Variants in DCAF8L2 observed in about 807,000 individuals in gnomAD.
The protein encoded by DCAF8L2 is DDB1- and CUL4-associated factor 8-like protein 2.
For missense variants in DCAF8L2, 430 were observed against 490.7 expected (o/e 0.88, Z 1.17); for synonymous variants, 200 against 190.9 (o/e 1.05, Z -0.39).
At chrX:27,469,078 G>A in the DCAF8L2 span, among the ~76,000 whole-genome samples, 373 of 111,752 alleles carry the variant, frequency 3.3e-3, 1 homozygote, top group African/African-American at 0.011. Flanking sequence ...CTAGCTGTGC[G>A]CATGGCTTCC....
At chrX:27,665,780 C>T (rs928948326) in intron 2 of DCAF8L2, among the ~76,000 whole-genome samples, 1 of 111,801 alleles carries the variant, frequency 8.9e-6, no homozygotes, top group East Asian at 2.8e-4. Flanking sequence ...GATCATGACT[C>T]GCTGAGGGCT....
chrX:27,737,951 A>G (rs1391584126), intron 4 of DCAF8L2, among the ~76,000 whole-genome samples: 1 of 111,869 alleles, frequency 8.9e-6, no homozygotes, highest in Admixed American at 9.5e-5. Context: ...CCGTGAGGGC[A>G]GAAAACACGA....
chrX:27,583,207 T>C, the DCAF8L2 span, among the ~76,000 whole-genome samples: 17 of 112,025 alleles, frequency 1.5e-4, no homozygotes, highest in East Asian at 4.2e-3. Flanking sequence ...TTTGTGTGTG[T>C]GCACAAATGG....
chrX:27,538,396 T>A, the DCAF8L2 span, among the ~76,000 whole-genome samples: 2 of 110,227 alleles, frequency 1.8e-5, no homozygotes, highest in South Asian at 7.7e-4. Flanking sequence ...TTTATTTATT[T>A]ATTTATTTAT....
chrX:27,598,614 C>T (rs764884481), intron 1 of DCAF8L2, among the ~76,000 whole-genome samples: 5 of 112,154 alleles, frequency 4.5e-5, no homozygotes, highest in Admixed American at 9.5e-5. Context: ...CTCGCTTCTG[C>T]AAGTACGCTT....
At chrX:27,501,272 G>C in the DCAF8L2 span, among the ~76,000 whole-genome samples, 1 of 101,186 alleles carries the variant, frequency 9.9e-6, no homozygotes, top group South Asian at 4.8e-4. Flanking sequence ...CCCCTCCTCT[G>C]CTGTGTGTGT....
At chrX:27,573,027 G>T in the DCAF8L2 span, among the ~76,000 whole-genome samples, 1 of 109,527 alleles carries the variant, frequency 9.1e-6, no homozygotes, top group Admixed American at 9.9e-5. Flanking sequence ...CTTGTCTAAG[G>T]TCAGGAAAGC....
At chrX:27,615,962 A>G (rs1927454688) in intron 1 of DCAF8L2, among the ~76,000 whole-genome samples, 1 of 111,246 alleles carries the variant, frequency 9.0e-6, no homozygotes, top group South Asian at 3.7e-4. Context: ...AATAAGATAG[A>G]TAGATGGAAG....
chrX:27,596,166 T>G (rs1926349067), intron 1 of DCAF8L2, among the ~76,000 whole-genome samples: 1 of 112,423 alleles, frequency 8.9e-6, no homozygotes, highest in African/African-American at 3.2e-5. Context: ...TCCATTATAC[T>G]TTGAAGATTT....
At chrX:27,481,556 A>G in the DCAF8L2 span, among the ~76,000 whole-genome samples, 2 of 111,352 alleles carry the variant, frequency 1.8e-5, no homozygotes, top group Non-Finnish European at 3.8e-5. Flanking sequence ...ATGCTGGTAT[A>G]ATAGCCAAAA....
At chrX:27,692,807 G>T (rs1406266650) in intron 3 of DCAF8L2, among the ~76,000 whole-genome samples, 1 of 110,967 alleles carries the variant, frequency 9.0e-6, no homozygotes, top group Non-Finnish European at 1.9e-5. Flanking sequence ...ATAATATAGG[G>T]AGAAGGAGTT....
At chrX:27,524,535 T>A in the DCAF8L2 span, among the ~76,000 whole-genome samples, 23 of 101,413 alleles carry the variant, frequency 2.3e-4, 1 homozygote, top group South Asian at 0.01. Flanking sequence ...CTCCTTCAGT[T>A]CTGCTCTGAT....
chrX:27,704,179 TAC>T lies in DCAF8L2; in HGVS notation c.-142-11899_-142-11898del, dbSNP rs1555930604. ...GTATATATATATATATATATACATA[TAC>T]ACACACACATATGTATATACACATG... On this transcript the variant is annotated intron_variant, in intron 3 of 4. Transcript: ENST00000451261. 3.5e-3 allele frequency among the ~76,000 whole-genome samples: 299 copies of T among 85,491 alleles called. 10 individuals carry two copies. Among genetic ancestry groups the T allele is most frequent in the African/African-American group, 4.8e-3 (100 of 20,720 alleles). 74.2% of individuals were successfully genotyped at this position (85,491 alleles called of 115,157 possible). A position where few individuals can be genotyped will look rare whatever the true frequency, so the allele number is the denominator to read the frequency against.
intron 1 of DCAF8L2, among the ~76,000 whole-genome samples, chrX:27,595,318 G>A (rs766201215): frequency 4.5e-5 from 5 of 111,495 alleles, no homozygotes; most frequent in Non-Finnish European, 7.5e-5. Flanking sequence ...AAAAAAAGCA[G>A]CATGGCCAAC....
chrX:27,716,342 A>G lies in DCAF8L2; in HGVS notation c.-59+171A>G, dbSNP rs1602771258. 2.7e-5 allele frequency among the ~76,000 whole-genome samples: 3 copies of G among 112,608 alleles called. No homozygotes were observed. In the East Asian group the frequency reaches 8.4e-4, roughly 31 times the overall value. Reference sequence around the variant, plus strand: ...AAATGTAAAACTGTGAAGGCATTACAAATAATAGTGTACCTAATAAAAGTA... The same window carrying G: ...AAATGTAAAACTGTGAAGGCATTACGAATAATAGTGTACCTAATAAAAGTA... On this transcript the variant is annotated intron_variant, in intron 4 of 4. Transcript: ENST00000451261.
chrX:27,600,566 A>G (rs1357190174), intron 1 of DCAF8L2, among the ~76,000 whole-genome samples: 1 of 112,127 alleles, frequency 8.9e-6, no homozygotes. Flanking sequence ...TGTTCCGAAA[A>G]TTTTATCTTC....
At chrX:27,741,873 G>C (rs1921871250) in intron 4 of DCAF8L2, among the ~76,000 whole-genome samples, 1 of 112,059 alleles carries the variant, frequency 8.9e-6, no homozygotes, top group South Asian at 3.7e-4. Context: ...TAGGAAGTTA[G>C]GAAGTTGTTC....
chrX:27,657,795 C>T (rs969337193), intron 2 of DCAF8L2, among the ~76,000 whole-genome samples: 13 of 112,103 alleles, frequency 1.2e-4, no homozygotes, highest in Non-Finnish European at 2.1e-4. Flanking sequence ...TTCCTCGGAA[C>T]AAGGAAGACC....
At chrX:27,528,532 A>C in the DCAF8L2 span, among the ~76,000 whole-genome samples, 1 of 105,396 alleles carries the variant, frequency 9.5e-6, no homozygotes, top group Non-Finnish European at 1.9e-5. Context: ...ATATATGTTT[A>C]TGTATATGTA....
Sources: gnomAD v4.1 joint callset for allele counts (sites outside exome capture counted in the v4.1 genomes callset) on GRCh38, gnomAD v4.1.1 for gene constraint, MANE v1.5 for transcripts, NCBI Gene and HGNC (gene_info 2026-07-23, HGNC 2026-07-21) for gene names.